NRXN3: variants seen among roughly 807,000 people sequenced by gnomAD.
The protein encoded by NRXN3 is neurexin 3.
A neutral mutation model predicts 137.6 loss-of-function variants in NRXN3; 32 were observed. The ratio of observed to expected loss-of-function variants is 0.23; its 90% CI spans 0.18 to 0.31. NRXN3 has a LOEUF of 0.31. NRXN3 is among the 10% of genes least tolerant of loss of function. The pLI, the probability that NRXN3 is intolerant of heterozygous loss-of-function variation, is 1.00. For synonymous variants in NRXN3, 798 were observed against 784.5 expected, an observed-to-expected ratio of 1.02 and a Z score of -0.29; for missense variants, 1,574 against 2,062.5, an observed-to-expected ratio of 0.76 and a Z score of 4.59.
chr14:79,709,629 A>ATGAC, intron 19 of NRXN3, among the ~76,000 whole-genome samples: 1 of 152,288 alleles, frequency 6.6e-6, no homozygotes, highest in South Asian at 2.1e-4. Context: ...AATGTATAAA[A>ATGAC]TGACAGATTT....
At chr14:79,014,379 T>C (rs1358828214) in intron 15 of NRXN3, among the ~76,000 whole-genome samples, 1 of 152,188 alleles carries the variant, frequency 6.6e-6, no homozygotes, top group African/African-American at 2.4e-5. Context: ...TTTTCTTGTG[T>C]TAGTTCACTT....
intron 15 of NRXN3, among the ~76,000 whole-genome samples, chr14:79,264,360 A>C (rs543801928): frequency 2.6e-5 from 4 of 152,298 alleles, no homozygotes; most frequent in African/African-American, 9.6e-5. Flanking sequence ...GAGTGCTGGG[A>C]TTATAGGCAT....
intron 19 of NRXN3, among the ~76,000 whole-genome samples, chr14:79,796,304 A>G (rs1603515624): frequency 6.6e-6 from 1 of 152,220 alleles, no homozygotes; most frequent in Admixed American, 6.5e-5. Context: ...GGATTTGCTT[A>G]TCAGTGGAAC....
At position 78,697,073 on chromosome 14, in the gene NRXN3, A is replaced by C. The variant is rs537788904; in HGVS notation, c.1222-12144A>C. 5.3e-5 allele frequency among the ~76,000 whole-genome samples: 8 copies of C among 152,258 alleles called. No homozygotes were observed. The South Asian group carries it at 8.3e-4, about 16-fold the overall frequency. On this transcript the variant is annotated intron_variant, in intron 6 of 20. Coordinates refer to ENST00000335750, the MANE Select transcript of NRXN3 (RefSeq NM_001330195.2). The stretch of plus-strand genomic sequence containing the variant: ...AGTGTCATAGACAACCATTCGTGAT[A>C]GATCACGTTTGAGATGTGAAATTAA...
At chr14:78,250,548 C>T (rs1277600203) in intron 2 of NRXN3, among the ~76,000 whole-genome samples, 1 of 152,202 alleles carries the variant, frequency 6.6e-6, no homozygotes, top group Non-Finnish European at 1.5e-5. Flanking sequence ...GAGCATGGGG[C>T]TGCTGACAAT....
chr14:79,768,718 C>G lies in NRXN3; in HGVS notation c.4015-36394C>G, dbSNP rs550497450. Among the ~76,000 whole-genome samples the G allele has an allele frequency of 5.4e-3, 825 of 152,330 alleles. 7 individuals are homozygous for G. Among genetic ancestry groups the G allele is most frequent in the Middle Eastern group, 0.01 (3 of 294 alleles). ...GGAAACTCTTAAAAGCAGAGCGCCT[C>G]TCCTCCTCCAAAGGAATGCAGTTCC... is the stretch of plus-strand genomic sequence containing the variant. On this transcript the variant is annotated intron_variant, in intron 19 of 20. Transcript: ENST00000335750.
chr14:78,635,773 AT>A (rs1327263656), intron 4 of NRXN3, among the ~76,000 whole-genome samples: 1 of 151,920 alleles, frequency 6.6e-6, no homozygotes, highest in Non-Finnish European at 1.5e-5. Context: ...ATATTGTACA[AT>A]TTTTTTTGTT....
chr14:79,031,356 G>C (rs2099607945), intron 15 of NRXN3, among the ~76,000 whole-genome samples: 1 of 152,034 alleles, frequency 6.6e-6, no homozygotes, highest in Non-Finnish European at 1.5e-5. Context: ...AAATGAATAG[G>C]TAACACATTA....
chr14:78,434,447 A>G (rs147850655), intron 4 of NRXN3, among the ~76,000 whole-genome samples: 134 of 152,266 alleles, frequency 8.8e-4, no homozygotes, highest in African/African-American at 3.2e-3. Context: ...CATCATAACT[A>G]ATTACATCTG....
intron 4 of NRXN3, among the ~76,000 whole-genome samples, chr14:78,410,805 T>G (rs1396057979): frequency 6.6e-6 from 1 of 152,174 alleles, no homozygotes; most frequent in Non-Finnish European, 1.5e-5. Flanking sequence ...AGGGATATTA[T>G]TATATATGGG....
chr14:79,246,400 G>A (rs553377480), intron 15 of NRXN3, among the ~76,000 whole-genome samples: 1 of 152,138 alleles, frequency 6.6e-6, no homozygotes, highest in Non-Finnish European at 1.5e-5. Flanking sequence ...GAATTGTTTG[G>A]TACAAATTGT....
Position 79,470,901 on chromosome 14 carries a change from A to T in NRXN3, c.3444+3499A>T, listed in dbSNP as rs866220389. 9.4e-3 allele frequency among the ~76,000 whole-genome samples: 1,110 copies of T among 118,034 alleles called. 26 individuals are homozygous for T. Among genetic ancestry groups the T allele is most frequent in the African/African-American group, 0.04 (1,022 of 25,350 alleles). The allele number at this position is 118,034 out of a possible 152,430, so 77.4% of individuals were successfully genotyped here. On this transcript the variant is annotated intron_variant, in intron 16 of 20. Transcript: ENST00000335750. ...GAGAGAGAGAGAAAGAGAGAGAGAG[A>T]GTGTGTGTGTGTGTGTGTGAGAGAG...
Position 79,719,322 on chromosome 14 carries a change from C to T in NRXN3, c.4014+21385C>T, listed in dbSNP as rs140420582. 3.0e-3 allele frequency among the ~76,000 whole-genome samples: 402 copies of T among 136,098 alleles called. 4 individuals are homozygous for T. The East Asian group carries it at 0.032, about 11-fold the overall frequency. The allele number at this position is 136,098 out of a possible 152,430, so 89.3% of individuals were successfully genotyped here. A position where few individuals can be genotyped will look rare whatever the true frequency, so the allele number is the denominator to read the frequency against. ...GTATATGTATGTGTATGTATACACG[C>T]GTGTGTATATATATGTATATATACA... On this transcript the variant is annotated intron_variant, in intron 19 of 20. Coordinates refer to ENST00000335750, the MANE Select transcript of NRXN3 (RefSeq NM_001330195.2).
intron 1 of NRXN3, among the ~76,000 whole-genome samples, chr14:78,223,153 C>T (rs1054607479): frequency 7.9e-5 from 12 of 152,170 alleles, no homozygotes; most frequent in Admixed American, 2.6e-4. Flanking sequence ...TGCAGAGTCA[C>T]GTGAAAATGT....
intron 15 of NRXN3, among the ~76,000 whole-genome samples, chr14:79,202,434 G>A (rs1362226900): frequency 6.6e-6 from 1 of 151,964 alleles, no homozygotes; most frequent in Non-Finnish European, 1.5e-5. Context: ...TCGGTTACAT[G>A]AGTAAGTTCT....
At chr14:78,601,743 T>A (rs117481887) in intron 4 of NRXN3, among the ~76,000 whole-genome samples, 1,658 of 152,312 alleles carry the variant, frequency 0.011, 17 homozygotes, top group Middle Eastern at 0.027. Flanking sequence ...TGTGAGCCAC[T>A]GTGCCTGGCC....
At chr14:79,599,122 C>T (rs1332425803) in intron 16 of NRXN3, among the ~76,000 whole-genome samples, 1 of 152,130 alleles carries the variant, frequency 6.6e-6, no homozygotes, top group Non-Finnish European at 1.5e-5. Context: ...GAAAACTGGG[C>T]CATCATTTCC....
intron 15 of NRXN3, among the ~76,000 whole-genome samples, chr14:79,089,664 G>T (rs2048792407): frequency 7.7e-6 from 1 of 129,868 alleles, no homozygotes; most frequent in Non-Finnish European, 1.6e-5. Flanking sequence ...CTTGTATATG[G>T]CAAGATGTTA....
intron 15 of NRXN3, among the ~76,000 whole-genome samples, chr14:79,149,674 A>T (rs1012407653): frequency 2.6e-5 from 4 of 152,090 alleles, no homozygotes; most frequent in African/African-American, 9.7e-5. Flanking sequence ...TACTATACAG[A>T]CATAAAAAGG....
Sources: gnomAD v4.1 joint callset for allele counts (sites outside exome capture counted in the v4.1 genomes callset) on GRCh38, gnomAD v4.1.1 for gene constraint, MANE v1.5 for transcripts, NCBI Gene and HGNC (gene_info 2026-07-23, HGNC 2026-07-21) for gene names.